CRMP1: variants seen among roughly 807,000 people sequenced by gnomAD.
The protein encoded by CRMP1 is dihydropyrimidinase-related protein 1.
CRMP1 carries 19 observed loss-of-function variants against 68.3 expected under a neutral mutation model. That is an observed-to-expected ratio of 0.28 (90% CI 0.19 to 0.41). The LOEUF (loss-of-function observed/expected upper bound fraction) is 0.41. Ranked by LOEUF, CRMP1 falls within the 10% of genes least tolerant of loss-of-function variation. CRMP1 has a pLI of 1.00. For synonymous variants in CRMP1, 439 were observed against 399.6 expected (o/e 1.10, Z -1.18); for missense variants, 791 against 967.4 (o/e 0.82, Z 2.42).
chr4:5,837,507 A>G (rs2152458538), intron 9 of CRMP1, among the ~76,000 whole-genome samples: 1 of 151,140 alleles, frequency 6.6e-6, no homozygotes, highest in Admixed American at 6.6e-5. Flanking sequence ...GGGCGCTTGT[A>G]ATCCCAGCTA....
chr4:5,878,327 CAGGCAGTGAT>C (rs1358431063), intron 1 of CRMP1, among the ~76,000 whole-genome samples: 1 of 152,078 alleles, frequency 6.6e-6, no homozygotes, highest in Non-Finnish European at 1.5e-5. Context: ...AAAATAGGGA[CAGGCAGTGAT>C]AGACTACACT....
Position 5,890,381 on chromosome 4 carries a change from G to A in CRMP1, c.381+2208C>T, listed in dbSNP as rs983346814. 6.6e-6 allele frequency among the ~76,000 whole-genome samples: 1 copy of A among 152,182 alleles called. No homozygotes were observed. The highest frequency in any genetic ancestry group is 1.5e-5 in the Non-Finnish European group (1 of 68,032). On this transcript the variant is annotated intron_variant, in intron 1 of 13. Coordinates refer to ENST00000324989, the MANE Select transcript of CRMP1 (RefSeq NM_001014809.3). This position sits in a 1 kb window ranked among gnomAD's most constrained non-coding sequence, Gnocchi z 5.5. ...CGGCAGCGGCAATCCTTGCGCCTGC[G>A]CCGCAGAAACCCCTCCTGCAGCCCA...
rs762397921 is a variant in CRMP1 at position 5,861,008 on chromosome 4, G to A, written c.655+18C>T. The stretch of plus-strand genomic sequence containing the variant: ...CCTCACAGTCTATGTCCCTAAGGCA[G>A]GGGACAGTGTCACTCACTGATCATC... On this transcript the variant is annotated intron_variant, in intron 3 of 13. Transcript: ENST00000324989. The surrounding 1 kb of genome is among the most constrained non-coding windows in gnomAD (Gnocchi z 6.0). 6.2e-7 allele frequency: 1 copy of A among 1,611,582 alleles called. No homozygotes were observed. Among genetic ancestry groups the A allele is most frequent in the African/African-American group, 1.3e-5 (1 of 74,862 alleles).
chr4:5,853,456 G>A lies in CRMP1; in HGVS notation c.821-1987C>T, dbSNP rs1001874502. Among the ~76,000 whole-genome samples the A allele has an allele frequency of 6.6e-6, 1 of 152,184 alleles. No homozygotes were observed. The highest frequency in any genetic ancestry group is 1.5e-5 in the Non-Finnish European group (1 of 68,038). ...AGAGATAGCAAGTGTTGATGAGGAT[G>A]TGGAGAAAAGGCAATTCCTGAGCAC... On this transcript the variant is annotated intron_variant, in intron 4 of 13. Transcript: ENST00000324989. The surrounding 1 kb of genome is among the most constrained non-coding windows in gnomAD (Gnocchi z 4.7).
In CRMP1 at chr4:5,865,699, C is replaced by G. The variant is rs1304443623; in HGVS notation, c.470+969G>C. Reference sequence around the variant, plus strand: ...GGACTGAATTGTATCTCCCAAAATTCATGTTGAAGCCCCAGCCCACCCCAT... The same window carrying G: ...GGACTGAATTGTATCTCCCAAAATTGATGTTGAAGCCCCAGCCCACCCCAT... On this transcript the variant is annotated intron_variant, in intron 2 of 13. Coordinates refer to ENST00000324989, the MANE Select transcript of CRMP1 (RefSeq NM_001014809.3). This position sits in a 1 kb window ranked among gnomAD's most constrained non-coding sequence, Gnocchi z 4.1. Among the ~76,000 whole-genome samples the G allele has an allele frequency of 1.3e-5, 2 of 151,892 alleles. No individual in the cohort carries two copies. The highest frequency in any genetic ancestry group is 2.4e-5 in the African/African-American group (1 of 41,334).
rs866381884 is a variant in CRMP1, at chr4:5,866,073, C to T, written c.470+595G>A. On this transcript the variant is annotated intron_variant, in intron 2 of 13. Coordinates refer to ENST00000324989, the MANE Select transcript of CRMP1 (RefSeq NM_001014809.3). The surrounding 1 kb of genome is among the most constrained non-coding windows in gnomAD (Gnocchi z 5.9). ...CCACCCAGCCTGTGGCATTCCATTC[C>T]GGCAGCCAGCGCTGGCTAAGACACC... Among the ~76,000 whole-genome samples the T allele has an allele frequency of 5.9e-5, 9 of 152,270 alleles. No homozygotes were observed. The highest frequency in any genetic ancestry group is 4.2e-4 in the South Asian group (2 of 4,812).
chr4:5,852,859 C>G (rs970955817), intron 4 of CRMP1, among the ~76,000 whole-genome samples: 26 of 152,262 alleles, frequency 1.7e-4, no homozygotes, highest in African/African-American at 6.0e-4. Flanking sequence ...GGGAGTACAG[C>G]TCAGCACGAA....
At chr4:5,835,729 A>C (rs1322960580) in intron 11 of CRMP1, among the ~76,000 whole-genome samples, 186 bp downstream of exon 11, 1 of 152,246 alleles carries the variant, frequency 6.6e-6, no homozygotes, top group African/African-American at 2.4e-5. Context: ...GAAGCAGCTT[A>C]GTTGAGCCTG....
intron 13 of CRMP1, chr4:5,824,791 AAG>A (rs1294435985): frequency 8.6e-5 from 79 of 921,828 alleles, no homozygotes; most frequent in Non-Finnish European, 5.0e-5. Flanking sequence ...CAACGCCTCA[AAG>A]AGTTTGCAGG....
rs1715932200 is a variant in CRMP1, at chr4:5,891,197, CACACACACACACACA to C, written c.381+1377_381+1391del. On this transcript the variant is annotated intron_variant, in intron 1 of 13. Coordinates refer to ENST00000324989, the MANE Select transcript of CRMP1 (RefSeq NM_001014809.3). This position sits in a 1 kb window ranked among gnomAD's most constrained non-coding sequence, Gnocchi z 5.2. ...ACATACACACACACACACACACACA[CACACACACACACACA>C]CCCTTGCTGTTGGACCTCTCCCTCG... Among the ~76,000 whole-genome samples, 2 of 148,332 alleles carry C rather than the reference CACACACACACACACA, an allele frequency of 1.3e-5. No individual in the cohort carries two copies. The highest frequency in any genetic ancestry group is 4.9e-5 in the African/African-American group (2 of 40,846).
chr4:5,892,790 C>T lies in CRMP1; in HGVS notation c.180G>A (p.Ser60=), dbSNP rs1396187967. Residue 60 remains serine, a synonymous_variant, in exon 1 of 14, where the codon TCG becomes TCA. Transcript: ENST00000324989. The surrounding 1 kb of genome is among the most constrained non-coding windows in gnomAD (Gnocchi z 8.6). The part of the protein sequence containing the change: ...FDAYSVGRRG[S]ARTPRSAGRP... ...GGCCAGCGCTGCGCGGCGTGCGCGC[C>T]GAGCCGCGGCGGCCCACACTGTAGG... is the stretch of plus-strand genomic sequence containing the variant. 7 of 1,315,942 alleles carry T rather than the reference C, an allele frequency of 5.3e-6. No individual in the cohort carries two copies. In the Admixed American group the frequency reaches 1.1e-4, roughly 20 times the overall value. 81.5% of individuals were successfully genotyped at this position (1,315,942 alleles called of 1,614,324 possible).
chr4:5,851,874 G>C (rs1032735951), intron 4 of CRMP1, among the ~76,000 whole-genome samples: 1 of 130,936 alleles, frequency 7.6e-6, no homozygotes, highest in Non-Finnish European at 1.7e-5. Flanking sequence ...GGAGGAGGAA[G>C]AGGAAGAGGA....
intron 11 of CRMP1, among the ~76,000 whole-genome samples, chr4:5,830,062 T>A (rs1455872032): frequency 6.6e-6 from 1 of 152,212 alleles, no homozygotes; most frequent in Admixed American, 6.5e-5. Context: ...AGGTGAAAAA[T>A]ACTATCTCTA....
Position 5,881,205 on chromosome 4 carries a change from T to C in CRMP1, c.381+11384A>G, listed in dbSNP as rs1331082152. Reference sequence around the variant, plus strand: ...ATATCCACAAACATTGCTTTCTTCCTTTTAGCTGCTTGCTCTTGTTTTCTA... The same window carrying C: ...ATATCCACAAACATTGCTTTCTTCCCTTTAGCTGCTTGCTCTTGTTTTCTA... On this transcript the variant is annotated intron_variant, in intron 1 of 13. Coordinates refer to ENST00000324989, the MANE Select transcript of CRMP1 (RefSeq NM_001014809.3). The surrounding 1 kb of genome is among the most constrained non-coding windows in gnomAD (Gnocchi z 4.6). Among the ~76,000 whole-genome samples, 2 of 152,194 alleles carry C rather than the reference T, an allele frequency of 1.3e-5. No individual in the cohort carries two copies. The highest frequency in any genetic ancestry group is 2.4e-5 in the African/African-American group (1 of 41,444).
At chr4:5,869,602 T>C (rs1459341509) in intron 1 of CRMP1, among the ~76,000 whole-genome samples, 1 of 146,050 alleles carries the variant, frequency 6.8e-6, no homozygotes, top group East Asian at 2.0e-4. Flanking sequence ...GAGAATGTCA[T>C]GAACCCGGAA....
At chr4:5,867,250 G>A (rs779114817) in intron 1 of CRMP1, among the ~76,000 whole-genome samples, 8 of 152,090 alleles carry the variant, frequency 5.3e-5, no homozygotes, top group Non-Finnish European at 1.0e-4. Context: ...ACGTCTTTTT[G>A]TAGTTGGAAG....
At chr4:5,886,109 A>G (rs1280499122) in intron 1 of CRMP1, among the ~76,000 whole-genome samples, 1 of 152,194 alleles carries the variant, frequency 6.6e-6, no homozygotes, top group Non-Finnish European at 1.5e-5. Flanking sequence ...ATTTGTTTAA[A>G]ACCACAAACG....
intron 13 of CRMP1, among the ~76,000 whole-genome samples, chr4:5,823,681 G>A (rs947091195): frequency 2.0e-5 from 3 of 152,190 alleles, no homozygotes; most frequent in South Asian, 4.1e-4. Flanking sequence ...TGTGATCTCT[G>A]CACACGCTAG....
rs1715098261 is a variant in CRMP1 at position 5,879,648 on chromosome 4, A to G, written c.382-12892T>C. 6.6e-6 allele frequency among the ~76,000 whole-genome samples: 1 copy of G among 152,206 alleles called. No individual in the cohort carries two copies. Among genetic ancestry groups the G allele is most frequent in the South Asian group, 2.1e-4 (1 of 4,834 alleles). ...CAATACACTGAACACTGTCCTATGA[A>G]GTTTAACATTCTATGCCAAATGCTC... On this transcript the variant is annotated intron_variant, in intron 1 of 13. Coordinates refer to ENST00000324989, the MANE Select transcript of CRMP1 (RefSeq NM_001014809.3). This position sits in a 1 kb window ranked among gnomAD's most constrained non-coding sequence, Gnocchi z 4.2.
Sources: allele counts gnomAD v4.1 joint callset (sites outside exome capture counted in the v4.1 genomes callset), GRCh38; gene constraint gnomAD v4.1.1; non-coding constraint Gnocchi (gnomAD v3.1); transcripts MANE v1.5; gene names NCBI Gene and HGNC (gene_info 2026-07-23, HGNC 2026-07-21).